The following ELOVL5 variants were observed in gnomAD, a reference collection of about 807,000 sequenced individuals.
ELOVL5 encodes ELOVL fatty acid elongase 5, also known as very long chain fatty acid elongase 5.
In ELOVL5, 8 loss-of-function variants were observed where a neutral mutation model predicts 38.6. That is an observed-to-expected ratio of 0.21 (90% CI 0.12 to 0.37). The LOEUF (loss-of-function observed/expected upper bound fraction) is 0.37. Among genes scored for constraint, ELOVL5 ranks in the 10% least tolerant of loss-of-function variants. The probability of loss-of-function intolerance (pLI) is 1.00; values close to 1 mark genes in which losing one functional copy is unlikely to be tolerated. For synonymous variants in ELOVL5, 127 were observed against 133.7 expected (o/e 0.95, Z 0.34); for missense variants, 280 against 367.8 (o/e 0.76, Z 1.95).
At chr6:53,329,194 A>ACTACTGCTACTGCTACTG (rs56156205) in intron 1 of ELOVL5, among the ~76,000 whole-genome samples, 1 of 151,364 alleles carries the variant, frequency 6.6e-6, no homozygotes, top group Non-Finnish European at 1.5e-5. Context: ...TACTACTACT[A>ACTACTGCTACTGCTACTG]CTACTGCTAC....
At chr6:53,328,984 A>AT (rs1768669288) in intron 1 of ELOVL5, among the ~76,000 whole-genome samples, 1 of 152,272 alleles carries the variant, frequency 6.6e-6, no homozygotes, top group Non-Finnish European at 1.5e-5. Context: ...TGTTCATTTG[A>AT]TAAAAAGACC....
chr6:53,280,436 C>T (rs1766308690), intron 3 of ELOVL5, among the ~76,000 whole-genome samples: 1 of 152,142 alleles, frequency 6.6e-6, no homozygotes, highest in Non-Finnish European at 1.5e-5. Context: ...TTTAATTAGG[C>T]CAAGAGGATG....
At chr6:53,329,194 ACTACTG>A (rs56156205) in intron 1 of ELOVL5, among the ~76,000 whole-genome samples, 54,879 of 151,364 alleles carry the variant, frequency 0.36, 11,006 homozygotes, top group African/African-American at 0.55. Flanking sequence ...TACTACTACT[ACTACTG>A]CTACTGCTAC....
chr6:53,291,119 G>A (rs1476015314), intron 3 of ELOVL5, among the ~76,000 whole-genome samples: 1 of 152,194 alleles, frequency 6.6e-6, no homozygotes, highest in Non-Finnish European at 1.5e-5. Flanking sequence ...ATAGGGAGAA[G>A]AGAAGGGTTG....
At chr6:53,325,987 T>A (rs1429089676) in intron 1 of ELOVL5, among the ~76,000 whole-genome samples, 1 of 152,182 alleles carries the variant, frequency 6.6e-6, no homozygotes, top group East Asian at 1.9e-4. Flanking sequence ...TTCATGCAAG[T>A]GGCATTTGGC....
chr6:53,292,830 GC>G (rs547682956), intron 2 of ELOVL5, among the ~76,000 whole-genome samples: 127 of 152,038 alleles, frequency 8.4e-4, no homozygotes, highest in Non-Finnish European at 1.6e-3. Context: ...TGAAGGTGAA[GC>G]AGCAATGATC....
chr6:53,343,664 T>G (rs917664418), intron 1 of ELOVL5, among the ~76,000 whole-genome samples: 1 of 152,188 alleles, frequency 6.6e-6, no homozygotes, highest in South Asian at 2.1e-4. Context: ...AGACCAATGC[T>G]CAGAGTTGAT....
At chr6:53,287,974 T>G in intron 3 of ELOVL5, 8 of 1,516,092 alleles carry the variant, frequency 5.3e-6, no homozygotes, top group Non-Finnish European at 7.1e-6. Context: ...CCTCTCTGCT[T>G]AGGGTCTAAG....
Position 53,273,228 on chromosome 6 carries a change from CCT to C in ELOVL5, c.611_612del (p.Gln204ArgfsTer101), listed in dbSNP as rs1179575249. On this transcript the variant is annotated frameshift_variant, in exon 6 of 8. Coordinates refer to ENST00000304434, the MANE Select transcript of ELOVL5 (RefSeq NM_021814.5). LOFTEE classifies it high-confidence loss of function. ...PYLWWKKYIT[Q>X]GQLLQFVLTI... Reference sequence around the variant, plus strand: ...GAGGCCAAGTCACTCACCAGCTGCCCCTGAGTGATGTACTTCTTCCACCAGAG... The same window carrying C: ...GAGGCCAAGTCACTCACCAGCTGCCCGAGTGATGTACTTCTTCCACCAGAG... The C allele has an allele frequency of 6.2e-7, 1 of 1,613,464 alleles. No homozygotes were observed. Among genetic ancestry groups the C allele is most frequent in the African/African-American group, 1.3e-5 (1 of 74,836 alleles).
At chr6:53,298,204 C>T (rs1767094875) in intron 1 of ELOVL5, among the ~76,000 whole-genome samples, 1 of 152,174 alleles carries the variant, frequency 6.6e-6, no homozygotes, top group Middle Eastern at 3.2e-3. Flanking sequence ...GGGTTCCCTG[C>T]TCCCCACTAG....
At chr6:53,339,912 C>T (rs1769254083) in intron 1 of ELOVL5, among the ~76,000 whole-genome samples, 1 of 152,142 alleles carries the variant, frequency 6.6e-6, no homozygotes, top group African/African-American at 2.4e-5. Context: ...GAAATGACAG[C>T]TCATGTGTGT....
intron 1 of ELOVL5, among the ~76,000 whole-genome samples, chr6:53,345,291 A>G (rs941309728): frequency 6.6e-6 from 1 of 152,214 alleles, no homozygotes; most frequent in Admixed American, 6.5e-5. Context: ...TCCTGCCCTC[A>G]GGACTTTTCA....
intron 1 of ELOVL5, among the ~76,000 whole-genome samples, chr6:53,327,153 T>C (rs1768583448): frequency 6.6e-6 from 1 of 152,152 alleles, no homozygotes; most frequent in African/African-American, 2.4e-5. Context: ...CTGTCTGCCT[T>C]CCCTAGTAGG....
In ELOVL5 at chr6:53,270,673, T is replaced by G. The variant is rs779651994; in HGVS notation, c.676A>C (p.Thr226Pro). 5 of 1,614,184 alleles carry G rather than the reference T, an allele frequency of 3.1e-6. No individual in the cohort carries two copies. The Admixed American group carries it at 5.0e-5, about 16-fold the overall frequency. ...AAATACAACCAACCAAGAGGGAATG[T>G]GCACGGCCAGATGACCCCGCAGCTG... is the stretch of plus-strand genomic sequence containing the variant. ...QTSCGVIWPC[T>P]FPLGWLYFQI... Residue 226 changes from threonine (T) to proline (P), a missense_variant, in exon 7 of 8, where the codon ACA (threonine) becomes CCA (proline). Coordinates refer to ENST00000304434, the MANE Select transcript of ELOVL5 (RefSeq NM_021814.5).
intron 3 of ELOVL5, among the ~76,000 whole-genome samples, chr6:53,279,288 T>C: frequency 6.6e-6 from 1 of 152,222 alleles, no homozygotes; most frequent in Non-Finnish European, 1.5e-5. Flanking sequence ...TCTGCACCTA[T>C]GTACCCCCAT....
chr6:53,280,508 AC>A (rs1234417859), intron 3 of ELOVL5, among the ~76,000 whole-genome samples: 1 of 152,176 alleles, frequency 6.6e-6, no homozygotes, highest in Non-Finnish European at 1.5e-5. Context: ...AAAGTCAATA[AC>A]CCTGATGGTT....
intron 1 of ELOVL5, among the ~76,000 whole-genome samples, chr6:53,318,259 C>T (rs528577763): frequency 6.6e-6 from 1 of 151,964 alleles, no homozygotes; most frequent in Non-Finnish European, 1.5e-5. Flanking sequence ...AAAAAGCTAC[C>T]AAGAGTATAG....
intron 1 of ELOVL5, among the ~76,000 whole-genome samples, chr6:53,297,520 T>C (rs149779464): frequency 3.0e-4 from 45 of 152,326 alleles, no homozygotes; most frequent in African/African-American, 1.0e-3. Flanking sequence ...TCTTCACCCT[T>C]GAGTCACTTT....
intron 1 of ELOVL5, among the ~76,000 whole-genome samples, chr6:53,323,247 G>A (rs2127588166): frequency 6.6e-6 from 1 of 152,292 alleles, no homozygotes; most frequent in East Asian, 1.9e-4. Flanking sequence ...TAAGATTTAG[G>A]TGAGGAACAG....
Sources: allele counts gnomAD v4.1 joint callset (sites outside exome capture counted in the v4.1 genomes callset), GRCh38; gene constraint gnomAD v4.1.1; transcripts MANE v1.5; gene names NCBI Gene and HGNC (gene_info 2026-07-23, HGNC 2026-07-21).